The following STIM1 variants were observed in gnomAD, a reference collection of about 807,000 sequenced individuals.
The protein encoded by STIM1 is stromal interaction molecule 1.
STIM1 carries 25 observed loss-of-function variants against 74.7 expected under a neutral mutation model. The ratio of observed to expected loss-of-function variants is 0.33; its 90% CI spans 0.24 to 0.47. The LOEUF (loss-of-function observed/expected upper bound fraction) is 0.47, where lower values mean the gene tolerates loss of function less well. STIM1 is among the 20% of genes least tolerant of loss of function. The pLI, the probability that STIM1 is intolerant of heterozygous loss-of-function variation, is 1.00. For synonymous variants in STIM1, 328 were observed against 348.8 expected, an observed-to-expected ratio of 0.94 and a Z score of 0.66; for missense variants, 728 against 920.8, an observed-to-expected ratio of 0.79 and a Z score of 2.71.
chr11:4,073,048 GTTT>G (rs56009858), intron 6 of STIM1, among the ~76,000 whole-genome samples: 1 of 82,822 alleles, frequency 1.2e-5, no homozygotes. Context: ...GGACTTAGAG[GTTT>G]TTTTTTTTTT....
chr11:3,917,338 C>T, intron 1 of STIM1, among the ~76,000 whole-genome samples: 1 of 151,958 alleles, frequency 6.6e-6, no homozygotes, highest in Non-Finnish European at 1.5e-5. Flanking sequence ...GAGACAGAGG[C>T]CTTGATTTCA....
At chr11:3,954,907 A>G (rs573420998) in intron 1 of STIM1, among the ~76,000 whole-genome samples, 6 of 152,236 alleles carry the variant, frequency 3.9e-5, no homozygotes, top group Admixed American at 6.5e-5. Flanking sequence ...ATATTTGCTC[A>G]AGAAAAATGA....
At chr11:3,898,028 C>T (rs1235493926) in intron 1 of STIM1, among the ~76,000 whole-genome samples, 2 of 152,216 alleles carry the variant, frequency 1.3e-5, no homozygotes, top group Non-Finnish European at 2.9e-5. Flanking sequence ...GGGTTATACC[C>T]AGTAATGGGA....
chr11:4,014,864 G>T (rs547963416), intron 2 of STIM1, among the ~76,000 whole-genome samples: 2 of 152,252 alleles, frequency 1.3e-5, no homozygotes, highest in African/African-American at 4.8e-5. Context: ...CAGAGACTAG[G>T]TTTGCAACCC....
chr11:4,003,451 T>A (rs1229553991), intron 2 of STIM1, among the ~76,000 whole-genome samples: 1 of 150,374 alleles, frequency 6.7e-6, no homozygotes, highest in African/African-American at 2.5e-5. Flanking sequence ...AATCAATAAA[T>A]GTAATCCAGC....
intron 2 of STIM1, among the ~76,000 whole-genome samples, chr11:3,981,689 G>A (rs1291982589): frequency 2.0e-5 from 3 of 152,120 alleles, no homozygotes; most frequent in African/African-American, 4.8e-5. Flanking sequence ...AGATATGTTA[G>A]TATATGACCT....
At chr11:3,905,702 A>G (rs1462634767) in intron 1 of STIM1, among the ~76,000 whole-genome samples, 1 of 152,238 alleles carries the variant, frequency 6.6e-6, no homozygotes, top group Non-Finnish European at 1.5e-5. Flanking sequence ...TTCCAAATGC[A>G]GAAACAGATG....
At chr11:4,051,692 G>A (rs1047318839) in intron 3 of STIM1, among the ~76,000 whole-genome samples, 2 of 151,954 alleles carry the variant, frequency 1.3e-5, no homozygotes, top group Non-Finnish European at 2.9e-5. Flanking sequence ...CGTCACTCAG[G>A]CTAGAGTGCA....
intron 1 of STIM1, among the ~76,000 whole-genome samples, chr11:3,945,286 T>C (rs185348060): frequency 2.4e-4 from 37 of 152,198 alleles, no homozygotes; most frequent in African/African-American, 8.4e-4. Context: ...CATTCAAAAA[T>C]GTTGTGTAGG....
chr11:4,092,226 T>C lies in STIM1; in HGVS notation c.*428T>C. The C allele has an allele frequency of 3.2e-6, 1 of 308,186 alleles. No homozygotes were observed. Among genetic ancestry groups the C allele is most frequent in the South Asian group, 3.1e-5 (1 of 32,600 alleles). 19.1% of individuals were successfully genotyped at this position (308,186 alleles called of 1,614,324 possible). On this transcript the variant is annotated 3_prime_UTR_variant, in exon 13 of 13. Transcript: ENST00000526596. ...GCAGTTGCAGGGAAGATAGGACGAG[T>C]AGCTTCTGACATGTGTGCCTCAGAT...
chr11:3,948,974 G>A (rs1291942819), intron 1 of STIM1, among the ~76,000 whole-genome samples: 1 of 152,182 alleles, frequency 6.6e-6, no homozygotes, highest in Non-Finnish European at 1.5e-5. Context: ...CACTTACTAT[G>A]TGCCATGCTC....
intron 1 of STIM1, among the ~76,000 whole-genome samples, chr11:3,877,243 CATTATT>C (rs147307800): frequency 1.3e-5 from 2 of 150,126 alleles, no homozygotes; most frequent in Admixed American, 6.7e-5. Context: ...TACAGAACAA[CATTATT>C]ATTATTATTA....
intron 1 of STIM1, among the ~76,000 whole-genome samples, chr11:3,865,715 C>T (rs1350692197): frequency 6.6e-6 from 1 of 152,146 alleles, no homozygotes; most frequent in Non-Finnish European, 1.5e-5. Context: ...TATGTCTCAC[C>T]ACTGAGCTGT....
chr11:3,938,020 G>A (rs546163357), intron 1 of STIM1, among the ~76,000 whole-genome samples: 9 of 150,830 alleles, frequency 6.0e-5, no homozygotes, highest in Non-Finnish European at 1.0e-4. Flanking sequence ...TGCAACCTCC[G>A]CCTCCTGGGT....
At chr11:4,028,189 C>T (rs1458349866) in intron 3 of STIM1, among the ~76,000 whole-genome samples, 1 of 151,954 alleles carries the variant, frequency 6.6e-6, no homozygotes, top group African/African-American at 2.4e-5. Context: ...TTCAAGGCTT[C>T]TTTTGCCTCA....
chr11:3,859,482 C>T (rs2090514922), intron 1 of STIM1, among the ~76,000 whole-genome samples: 1 of 152,220 alleles, frequency 6.6e-6, no homozygotes, highest in Non-Finnish European at 1.5e-5. Context: ...GTAGAATGTG[C>T]ATGAGGGACC....
Position 4,024,021 on chromosome 11 carries a change from G to A in STIM1, c.385+34G>A, listed in dbSNP as rs2093979250. 3 of 1,585,936 alleles carry A rather than the reference G, an allele frequency of 1.9e-6. No homozygotes were observed. The East Asian group carries it at 6.7e-5, about 36-fold the overall frequency. ...CAGCCTGGTCATCAATCCTAGTTGT[G>A]GGAAGGTTTAGAGAAGAGAGAAGCA... On this transcript the variant is annotated intron_variant, in intron 3 of 12. Coordinates refer to ENST00000526596, the MANE Select transcript of STIM1 (RefSeq NM_001382567.1).
At chr11:3,900,581 C>T (rs892238382) in intron 1 of STIM1, among the ~76,000 whole-genome samples, 45 of 152,254 alleles carry the variant, frequency 3.0e-4, no homozygotes, top group African/African-American at 6.0e-4. Flanking sequence ...TCTTGGCTCC[C>T]GACCTGTTTG....
chr11:3,960,332 G>C (rs2093272131), intron 1 of STIM1, among the ~76,000 whole-genome samples: 1 of 152,148 alleles, frequency 6.6e-6, no homozygotes, highest in South Asian at 2.1e-4. Context: ...GTGAAAACTG[G>C]ATTTTAGAAA....
Sources: allele counts gnomAD v4.1 joint callset (sites outside exome capture counted in the v4.1 genomes callset), GRCh38; gene constraint gnomAD v4.1.1; transcripts MANE v1.5; gene names NCBI Gene and HGNC (gene_info 2026-07-23, HGNC 2026-07-21).